The following KALRN variants were observed in gnomAD, a reference collection of about 807,000 sequenced individuals.
KALRN encodes the protein kalirin.
A neutral mutation model predicts 353.7 loss-of-function variants in KALRN; 70 were observed. That is an observed-to-expected ratio of 0.20 (90% CI 0.16 to 0.24). The LOEUF (loss-of-function observed/expected upper bound fraction) is 0.24, where lower values mean the gene tolerates loss of function less well. Among genes scored for constraint, KALRN ranks in the 10% least tolerant of loss-of-function variants. The pLI is 1.00. For missense variants in KALRN, 2,791 were observed against 3,756.7 expected, an observed-to-expected ratio of 0.74 and a Z score of 6.72; for synonymous variants, 1,391 against 1,434.8, an observed-to-expected ratio of 0.97 and a Z score of 0.69.
At chr3:124,629,775 G>A (rs938464181) in intron 34 of KALRN, among the ~76,000 whole-genome samples, 2 of 146,878 alleles carry the variant, frequency 1.4e-5, no homozygotes, top group African/African-American at 5.0e-5. Flanking sequence ...TATTTTGCAT[G>A]CTTAATCTTG....
chr3:124,270,374 T>A (rs2074000111), intron 5 of KALRN, among the ~76,000 whole-genome samples: 1 of 152,214 alleles, frequency 6.6e-6, no homozygotes. Flanking sequence ...GTGATCCCAA[T>A]TTATGTATTA....
At chr3:124,092,817 CAGGAGATGATAG>C (rs547818213) in intron 1 of KALRN, among the ~76,000 whole-genome samples, 4 of 152,300 alleles carry the variant, frequency 2.6e-5, no homozygotes, top group Middle Eastern at 3.4e-3. Context: ...GCAGGGCAAA[CAGGAGATGATAG>C]TTATGAAAGT....
At chr3:124,441,451 T>C (rs975775215) in intron 18 of KALRN, among the ~76,000 whole-genome samples, 5 of 152,190 alleles carry the variant, frequency 3.3e-5, no homozygotes, top group African/African-American at 9.7e-5. Flanking sequence ...TAAATTGGAA[T>C]TGGAGTCTCC....
At chr3:124,166,231 T>G (rs1267772638) in intron 1 of KALRN, among the ~76,000 whole-genome samples, 1 of 152,210 alleles carries the variant, frequency 6.6e-6, no homozygotes, top group Non-Finnish European at 1.5e-5. Context: ...GTACACATGA[T>G]TTTTGTAAGC....
At position 124,660,893 on chromosome 3, in the gene KALRN, A is replaced by G. The variant is rs190097893; in HGVS notation, c.6217-30A>G. 4.0e-3 allele frequency: 6,220 copies of G among 1,553,936 alleles called. 79 individuals carry two copies. The highest frequency in any genetic ancestry group is 0.029 in the South Asian group (2,600 of 89,956). On this transcript the variant is annotated intron_variant, in intron 43 of 59. Coordinates refer to ENST00000682506, the MANE Select transcript of KALRN (RefSeq NM_001388419.1). Reference sequence around the variant, plus strand: ...TATTTTACTAATTTTACCCCTTCCCACACTCTTGCCTGCTTCCCCTACTTG... The same window carrying G: ...TATTTTACTAATTTTACCCCTTCCCGCACTCTTGCCTGCTTCCCCTACTTG...
chr3:124,443,018 A>G (rs950755999), intron 19 of KALRN, among the ~76,000 whole-genome samples: 2 of 152,156 alleles, frequency 1.3e-5, no homozygotes, highest in African/African-American at 4.8e-5. Flanking sequence ...AAAGAAAAAA[A>G]GAACAAAGAA....
chr3:124,356,899 C>A (rs2083480109), intron 10 of KALRN, among the ~76,000 whole-genome samples: 1 of 152,216 alleles, frequency 6.6e-6, no homozygotes, highest in Non-Finnish European at 1.5e-5. Flanking sequence ...GCTTCCAAAT[C>A]CATGTCTCAT....
intron 1 of KALRN, among the ~76,000 whole-genome samples, chr3:124,074,771 G>T (rs1370843982): frequency 6.6e-6 from 1 of 152,148 alleles, no homozygotes; most frequent in Non-Finnish European, 1.5e-5. Context: ...GTGTCATGAT[G>T]GCTTATGAAC....
At chr3:124,503,986 T>C (rs1251506399) in intron 33 of KALRN, among the ~76,000 whole-genome samples, 1 of 152,116 alleles carries the variant, frequency 6.6e-6, no homozygotes, top group East Asian at 1.9e-4. Flanking sequence ...CAAAAGCAAG[T>C]AAGTTTCATA....
At chr3:124,150,184 A>G (rs527785930) in intron 1 of KALRN, among the ~76,000 whole-genome samples, 2 of 152,218 alleles carry the variant, frequency 1.3e-5, no homozygotes, top group South Asian at 2.1e-4. Flanking sequence ...GTATATTAAC[A>G]TGGGGAAAAA....
intron 1 of KALRN, among the ~76,000 whole-genome samples, chr3:124,205,263 C>A (rs2076315384): frequency 6.6e-6 from 1 of 152,120 alleles, no homozygotes; most frequent in African/African-American, 2.4e-5. Context: ...AACGAGCTGG[C>A]AAAAATTCTG....
rs1578394896 is a variant in KALRN at position 124,131,152 on chromosome 3, A to G, written c.74-96838A>G. On this transcript the variant is annotated intron_variant, in intron 1 of 59. Coordinates refer to ENST00000682506, the MANE Select transcript of KALRN (RefSeq NM_001388419.1). ...AGATTGCTGAAGTGTGATGCTGAGT[A>G]ATTTGCCACAGACCCCAGTGTCTTC... Among the ~76,000 whole-genome samples, 5 of 152,326 alleles carry G rather than the reference A, an allele frequency of 3.3e-5. No homozygotes were observed. The South Asian group carries it at 1.0e-3, about 32-fold the overall frequency.
intron 51 of KALRN, among the ~76,000 whole-genome samples, chr3:124,683,082 G>A (rs1189021926): frequency 6.6e-6 from 1 of 152,042 alleles, no homozygotes; most frequent in African/African-American, 2.4e-5. Context: ...ACTTTGGGGT[G>A]GGGGTGAAAG....
In KALRN at chr3:124,540,545, T is replaced by C. The variant is rs886834538; in HGVS notation, c.4936-22298T>C. Among the ~76,000 whole-genome samples the C allele has an allele frequency of 2.0e-5, 3 of 152,222 alleles. No individual in the cohort carries two copies. In the South Asian group the frequency reaches 6.2e-4, roughly 32 times the overall value. ...TATTTGAGACTCTGAATCATACATA[T>C]ACACAATTTTGGAGAGCTGGAGTGG... is the stretch of plus-strand genomic sequence containing the variant. On this transcript the variant is annotated intron_variant, in intron 33 of 59. Coordinates refer to ENST00000682506, the MANE Select transcript of KALRN (RefSeq NM_001388419.1).
chr3:124,153,009 A>C, intron 1 of KALRN: 1 of 247,284 alleles, frequency 4.0e-6, no homozygotes, highest in Non-Finnish European at 8.0e-6. Flanking sequence ...AGCTCTGTGA[A>C]ATTCCTTCAC....
chr3:124,069,570 G>A (rs2042679870), intron 1 of KALRN, among the ~76,000 whole-genome samples: 1 of 152,214 alleles, frequency 6.6e-6, no homozygotes. Flanking sequence ...TAGGTGTATA[G>A]CACAAAAGTA....
intron 1 of KALRN, among the ~76,000 whole-genome samples, chr3:124,138,926 A>T (rs1016809236): frequency 6.6e-6 from 1 of 152,120 alleles, no homozygotes. Flanking sequence ...GTGTTCTCTG[A>T]TATTGTTTAC....
At chr3:124,669,343 C>T (rs1390951607) in intron 47 of KALRN, among the ~76,000 whole-genome samples, 2 of 152,146 alleles carry the variant, frequency 1.3e-5, no homozygotes, top group Admixed American at 6.5e-5. Context: ...GACACTGTAT[C>T]GATCAGTCAA....
intron 1 of KALRN, among the ~76,000 whole-genome samples, chr3:124,223,066 A>G (rs919337387): frequency 3.5e-5 from 5 of 141,544 alleles, no homozygotes; most frequent in African/African-American, 5.3e-5. Flanking sequence ...TTTTTTTTTT[A>G]GTCTCCTTGC....
Sources: allele counts gnomAD v4.1 joint callset (sites outside exome capture counted in the v4.1 genomes callset), GRCh38; gene constraint gnomAD v4.1.1; transcripts MANE v1.5; gene names NCBI Gene and HGNC (gene_info 2026-07-23, HGNC 2026-07-21).